NOL4L: variants seen among roughly 807,000 people sequenced by gnomAD.
The protein encoded by NOL4L is nucleolar protein 4 like.
Under a neutral mutation model 64.5 loss-of-function variants are expected in NOL4L, and 7 were observed. The ratio of observed to expected loss-of-function variants is 0.11; its 90% CI spans 0.06 to 0.20. The LOEUF is 0.20. Among genes scored for constraint, NOL4L ranks in the 10% least tolerant of loss-of-function variants. The pLI is 1.00. For missense variants in NOL4L, 680 were observed against 967.1 expected, an observed-to-expected ratio of 0.70 and a Z score of 3.94; for synonymous variants, 413 against 401.0, an observed-to-expected ratio of 1.03 and a Z score of -0.36.
intron 3 of NOL4L, among the ~76,000 whole-genome samples, chr20:32,518,762 T>C (rs936941634): frequency 6.6e-6 from 1 of 152,208 alleles, no homozygotes; most frequent in Non-Finnish European, 1.5e-5. Context: ...CCCTGGCCCC[T>C]GCGGCCTAAA....
intron 4 of NOL4L, among the ~76,000 whole-genome samples, chr20:32,488,819 TTC>T (rs747964999): frequency 6.1e-3 from 110 of 17,952 alleles, no homozygotes; most frequent in Non-Finnish European, 8.3e-3. Flanking sequence ...CTTTCTTTCT[TTC>T]TTTCTTTTTC....
At chr20:32,518,966 GCT>G (rs2017804380) in intron 3 of NOL4L, among the ~76,000 whole-genome samples, 1 of 152,344 alleles carries the variant, frequency 6.6e-6, no homozygotes, top group South Asian at 2.1e-4. Flanking sequence ...AACAGCCACA[GCT>G]CTCTCTTCCT....
rs904421158 is a variant in NOL4L at position 32,460,652 on chromosome 20, T to G, written c.842-4257A>C. On this transcript the variant is annotated intron_variant, in intron 5 of 10. Coordinates refer to ENST00000621426, the MANE Select transcript of NOL4L (RefSeq NM_001256798.2). The surrounding 1 kb of genome is among the most constrained non-coding windows in gnomAD (Gnocchi z 5.7). ...AAACCCCAATTCCCTGCACCCCACA[T>G]TTTCTCACATCATAACTCACCCACT... Among the ~76,000 whole-genome samples, 1 of 152,130 alleles carries G rather than the reference T, an allele frequency of 6.6e-6. No individual in the cohort carries two copies. The highest frequency in any genetic ancestry group is 2.4e-5 in the African/African-American group (1 of 41,428).
rs1266612448 is a variant in NOL4L at position 32,463,458 on chromosome 20, G to A, written c.842-7063C>T. Among the ~76,000 whole-genome samples the A allele has an allele frequency of 6.6e-6, 1 of 152,180 alleles. No homozygotes were observed. On this transcript the variant is annotated intron_variant, in intron 5 of 10. Coordinates refer to ENST00000621426, the MANE Select transcript of NOL4L (RefSeq NM_001256798.2). The surrounding 1 kb of genome is among the most constrained non-coding windows in gnomAD (Gnocchi z 5.8). ...GGGCCTTGGGGAAGCAGCCCGGGATGCACCCCCTCTCAGCATTTCCACAAA... is the reference window on the plus strand; with the variant it reads ...GGGCCTTGGGGAAGCAGCCCGGGATACACCCCCTCTCAGCATTTCCACAAA...
intron 1 of NOL4L, among the ~76,000 whole-genome samples, chr20:32,529,676 C>T (rs184617157): frequency 1.9e-4 from 29 of 152,318 alleles, no homozygotes; most frequent in African/African-American, 6.7e-4. Flanking sequence ...AGCCCCACAG[C>T]TAGCGGGCAG....
rs1284504363 is a variant in NOL4L, at chr20:32,445,447, T to C, written c.*2149A>G. Reference sequence around the variant, plus strand: ...ACCAGGAATTCTAGGGTGGCGATTGTCTCTGCCAGGTTTTAACATTAAGAT... The same window carrying C: ...ACCAGGAATTCTAGGGTGGCGATTGCCTCTGCCAGGTTTTAACATTAAGAT... On this transcript the variant is annotated 3_prime_UTR_variant, in exon 11 of 11. Transcript: ENST00000621426. 6.6e-6 allele frequency: 1 copy of C among 151,348 alleles called. No individual in the cohort carries two copies. Among genetic ancestry groups the C allele is most frequent in the Admixed American group, 6.5e-5 (1 of 15,276 alleles). 9.4% of individuals were successfully genotyped at this position (151,348 alleles called of 1,614,324 possible).
At chr20:32,525,762 T>A (rs2018110352) in intron 2 of NOL4L, among the ~76,000 whole-genome samples, 1 of 151,990 alleles carries the variant, frequency 6.6e-6, no homozygotes, top group Non-Finnish European at 1.5e-5. Context: ...ATATATTTTT[T>A]ATTTTTATTT....
intron 4 of NOL4L, among the ~76,000 whole-genome samples, chr20:32,507,909 G>A (rs2145548774): frequency 6.6e-6 from 1 of 152,334 alleles, no homozygotes; most frequent in Middle Eastern, 3.4e-3. Flanking sequence ...TACTCGGGAG[G>A]TAGAGGCAGG....
chr20:32,452,229 G>A lies in NOL4L; in HGVS notation c.1822+7C>T, dbSNP rs189664799. On this transcript the variant is annotated splice_region_variant and intron_variant, in intron 10 of 10. Coordinates refer to ENST00000621426, the MANE Select transcript of NOL4L (RefSeq NM_001256798.2). ...GGAAGCCAGAGCCCAGGCCTCCCCC[G>A]ACTCACCATTACTGTGGTTTCCTGT... 34 of 1,520,532 alleles carry A rather than the reference G, an allele frequency of 2.2e-5. No homozygotes were observed. Among genetic ancestry groups the A allele is most frequent in the South Asian group, 9.1e-5 (7 of 76,828 alleles). 94.2% of individuals were successfully genotyped at this position (1,520,532 alleles called of 1,614,324 possible). A position where few individuals can be genotyped will look rare whatever the true frequency, so the allele number is the denominator to read the frequency against.
At chr20:32,510,327 C>T (rs368406712) in intron 4 of NOL4L, 6 of 258,778 alleles carry the variant, frequency 2.3e-5, no homozygotes, top group Middle Eastern at 1.5e-3. Context: ...GAAAGGAATA[C>T]GCAGCTCTGC....
intron 3 of NOL4L, among the ~76,000 whole-genome samples, chr20:32,517,048 C>T (rs1249626720): frequency 6.6e-6 from 1 of 152,208 alleles, no homozygotes; most frequent in Non-Finnish European, 1.5e-5. Flanking sequence ...AGTGTGGAGT[C>T]AGGAGGTCCT....
At chr20:32,509,837 GC>G in intron 4 of NOL4L, 1 of 1,304,082 alleles carries the variant, frequency 7.7e-7, no homozygotes, top group Middle Eastern at 2.2e-4. Flanking sequence ...AGGGGGCTGT[GC>G]TTCCGGCTGT....
At chr20:32,455,429 C>T (rs2013394527) in intron 6 of NOL4L, among the ~76,000 whole-genome samples, 1 of 152,212 alleles carries the variant, frequency 6.6e-6, no homozygotes, top group South Asian at 2.1e-4. Context: ...ACTCTCTCTG[C>T]AGAAGAGAAA....
chr20:32,499,452 T>A (rs1022575940), intron 4 of NOL4L, among the ~76,000 whole-genome samples: 1 of 152,096 alleles, frequency 6.6e-6, no homozygotes, highest in Non-Finnish European at 1.5e-5. Flanking sequence ...AAAGAAACAA[T>A]TTTTGGCTGG....
chr20:32,580,098 G>C (rs1000408866), intron 1 of NOL4L, among the ~76,000 whole-genome samples: 6 of 152,212 alleles, frequency 3.9e-5, no homozygotes, highest in African/African-American at 1.4e-4. Context: ...GGATCAGGTT[G>C]CAAGACCCTT....
chr20:32,516,645 A>C (rs2017678039), intron 3 of NOL4L, among the ~76,000 whole-genome samples: 1 of 152,138 alleles, frequency 6.6e-6, no homozygotes, highest in Non-Finnish European at 1.5e-5. Flanking sequence ...TCATAGTAAT[A>C]CCCTGACTTT....
intron 5 of NOL4L, among the ~76,000 whole-genome samples, chr20:32,474,027 A>G (rs984501364): frequency 6.6e-6 from 1 of 152,190 alleles, no homozygotes; most frequent in Non-Finnish European, 1.5e-5. Flanking sequence ...GGAAGCCTCT[A>G]TTCCAAGGGA....
In NOL4L at chr20:32,447,339, A is replaced by G. The variant is rs750955868; in HGVS notation, c.*257T>C. 6.8e-6 allele frequency: 4 copies of G among 591,974 alleles called. No homozygotes were observed. The highest frequency in any genetic ancestry group is 6.5e-5 in the African/African-American group (3 of 46,048). The allele number at this position is 591,974 out of a possible 1,614,324, so 36.7% of individuals were successfully genotyped here. A position where few individuals can be genotyped will look rare whatever the true frequency, so the allele number is the denominator to read the frequency against. ...CAGCGCCTTGTCAGGGGAGCCCCCA[A>G]CCCTTCCAGAGCTGCCCCGTTGGCC... is the stretch of plus-strand genomic sequence containing the variant. On this transcript the variant is annotated 3_prime_UTR_variant, in exon 11 of 11. Transcript: ENST00000621426.
intron 4 of NOL4L, among the ~76,000 whole-genome samples, chr20:32,485,078 A>AAAAAAAAAAAAAAAC (rs1568643165): frequency 6.8e-6 from 1 of 147,716 alleles, no homozygotes; most frequent in African/African-American, 2.5e-5. Context: ...AAAAAAAAAA[A>AAAAAAAAAAAAAAAC]AAAAAAAAAC....
Sources: allele counts gnomAD v4.1 joint callset (sites outside exome capture counted in the v4.1 genomes callset), GRCh38; gene constraint gnomAD v4.1.1; non-coding constraint Gnocchi (gnomAD v3.1); transcripts MANE v1.5; gene names NCBI Gene and HGNC (gene_info 2026-07-23, HGNC 2026-07-21).